The following SFSWAP variants were observed in gnomAD, a reference collection of about 807,000 sequenced individuals.
SFSWAP encodes splicing factor SWAP.
Under a neutral mutation model 100.7 loss-of-function variants are expected in SFSWAP, and 17 were observed. The observed-to-expected ratio is 0.17, with a 90% CI of 0.12 to 0.25. SFSWAP has a LOEUF of 0.25. SFSWAP is among the 10% of genes least tolerant of loss of function. SFSWAP has a pLI of 1.00. For synonymous variants in SFSWAP, 504 were observed against 510.1 expected (o/e 0.99, Z 0.16); for missense variants, 1,005 against 1,262.6 (o/e 0.80, Z 3.09).
chr12:131,784,316 AG>A (rs1884740131), intron 14 of SFSWAP: 1 of 152,198 alleles, frequency 6.6e-6, no homozygotes, highest in Non-Finnish European at 1.5e-5. Context: ...GGTAGAGCCC[AG>A]ACCTTGATGC....
intron 12 of SFSWAP, among the ~76,000 whole-genome samples, chr12:131,765,410 AG>A (rs1275122208): frequency 6.6e-6 from 1 of 152,150 alleles, no homozygotes; most frequent in African/African-American, 2.4e-5. Context: ...GCACTTTGGG[AG>A]GCTAAGGTGG....
chr12:131,781,789 C>T (rs4964995), intron 14 of SFSWAP, among the ~76,000 whole-genome samples: 147,557 of 152,360 alleles, frequency 0.97, 71,655 homozygotes, highest in East Asian at 1. Flanking sequence ...CTACATACTT[C>T]TAGTTAATTT....
chr12:131,798,688 G>A (rs190936070), intron 16 of SFSWAP, among the ~76,000 whole-genome samples: 4 of 152,238 alleles, frequency 2.6e-5, no homozygotes, highest in East Asian at 3.9e-4. Context: ...TCAGGAGTTC[G>A]AGACCACCCT....
At chr12:131,719,052 T>G (rs1179789522) in intron 3 of SFSWAP, among the ~76,000 whole-genome samples, 1 of 152,198 alleles carries the variant, frequency 6.6e-6, no homozygotes, top group South Asian at 2.1e-4. Context: ...CTGATCAGAT[T>G]GAGGGATGTG....
intron 11 of SFSWAP, among the ~76,000 whole-genome samples, chr12:131,761,639 G>A (rs562740554): frequency 3.9e-5 from 6 of 152,322 alleles, no homozygotes; most frequent in South Asian, 2.1e-4. Context: ...TGAATGCAGC[G>A]TGAGACCTAC....
chr12:131,793,427 G>A (rs1417259117), intron 15 of SFSWAP, among the ~76,000 whole-genome samples: 4 of 152,102 alleles, frequency 2.6e-5, no homozygotes, highest in African/African-American at 4.8e-5. Context: ...GCTGGATATC[G>A]GAATGGGGAA....
chr12:131,786,819 C>T (rs554831873), intron 15 of SFSWAP, among the ~76,000 whole-genome samples: 51 of 152,320 alleles, frequency 3.3e-4, no homozygotes, highest in African/African-American at 1.1e-3. Context: ...GGGCTCTGCA[C>T]GGCCTGGCTT....
intron 11 of SFSWAP, chr12:131,757,266 C>G (rs1005564257): frequency 6.6e-6 from 1 of 152,590 alleles, no homozygotes; most frequent in African/African-American, 2.4e-5. Flanking sequence ...GAACGGGAAG[C>G]TCTGAGGCAG....
chr12:131,729,410 G>A (rs112977325), intron 7 of SFSWAP, among the ~76,000 whole-genome samples: 2 of 152,274 alleles, frequency 1.3e-5, no homozygotes, highest in Non-Finnish European at 2.9e-5. Flanking sequence ...AGGCTGAGGT[G>A]AGAGGATGGC....
chr12:131,796,907 T>C, intron 15 of SFSWAP: 1 of 378,150 alleles, frequency 2.6e-6, no homozygotes, highest in East Asian at 4.2e-5. Context: ...TGTGGTGGCT[T>C]ATCTTAGGTA....
intron 7 of SFSWAP, 150 bp from the exon 8 acceptor site, chr12:131,752,972 TG>T: frequency 8.4e-7 from 1 of 1,196,472 alleles, no homozygotes; most frequent in Non-Finnish European, 1.2e-6. Flanking sequence ...GACAACTTTT[TG>T]TATCAGAAAA....
intron 3 of SFSWAP, 61 bp downstream of exon 3, chr12:131,715,014 G>T: frequency 6.3e-7 from 1 of 1,583,848 alleles, no homozygotes. Flanking sequence ...CAGGCTGCAT[G>T]CACCGTGGTC....
chr12:131,782,110 C>G (rs537244133), intron 14 of SFSWAP, among the ~76,000 whole-genome samples: 1 of 152,252 alleles, frequency 6.6e-6, no homozygotes, highest in Admixed American at 6.5e-5. Flanking sequence ...CCCAGGAGAT[C>G]GAATCTAGCC....
At chr12:131,749,008 G>T (rs1881381977) in intron 7 of SFSWAP, among the ~76,000 whole-genome samples, 1 of 152,178 alleles carries the variant, frequency 6.6e-6, no homozygotes. Flanking sequence ...CTTACTGAGG[G>T]TTCAACTCGA....
Position 131,797,374 on chromosome 12 carries a change from T to C in SFSWAP, c.2717+14T>C. 6 of 1,593,376 alleles carry C rather than the reference T, an allele frequency of 3.8e-6. No individual in the cohort carries two copies. The highest frequency in any genetic ancestry group is 5.1e-6 in the Non-Finnish European group (6 of 1,169,256). ...GGAGCGCTCCAGGTAACCCCTGTCC[T>C]CCAGCAGCTCTCTCTGGGGAAAGGC... On this transcript the variant is annotated intron_variant, in intron 16 of 17. Coordinates refer to ENST00000261674, the MANE Select transcript of SFSWAP (RefSeq NM_004592.4).
chr12:131,728,835 G>C (rs888284998), intron 7 of SFSWAP, among the ~76,000 whole-genome samples: 1 of 152,078 alleles, frequency 6.6e-6, no homozygotes, highest in Admixed American at 6.6e-5. Flanking sequence ...TAGTAGGTGG[G>C]ACTACAAGCA....
chr12:131,736,327 A>G (rs1880011914), intron 7 of SFSWAP, among the ~76,000 whole-genome samples: 1 of 152,242 alleles, frequency 6.6e-6, no homozygotes, highest in South Asian at 2.1e-4. Context: ...GGAAATTCTT[A>G]GGAAAGTAAG....
chr12:131,786,412 C>A lies in SFSWAP; in HGVS notation c.2409-51C>A, dbSNP rs376817051. 6 of 1,539,874 alleles carry A rather than the reference C, an allele frequency of 3.9e-6. No individual in the cohort carries two copies. In the African/African-American group the frequency reaches 5.4e-5, roughly 14 times the overall value. ...TGCCAGGGCAGTAGGAAGCATGACA[C>A]GTCCCGCCAGCCAGGCCACAGAGCT... is the stretch of plus-strand genomic sequence containing the variant. On this transcript the variant is annotated intron_variant, in intron 14 of 17. Transcript: ENST00000261674.
intron 4 of SFSWAP, among the ~76,000 whole-genome samples, chr12:131,721,670 T>C (rs904144624): frequency 2.0e-5 from 3 of 152,232 alleles, no homozygotes; most frequent in African/African-American, 7.2e-5. Context: ...CCTATTAAAA[T>C]ATTTAATGGC....
Sources: allele counts gnomAD v4.1 joint callset (sites outside exome capture counted in the v4.1 genomes callset), GRCh38; gene constraint gnomAD v4.1.1; transcripts MANE v1.5; gene names NCBI Gene and HGNC (gene_info 2026-07-23, HGNC 2026-07-21).